SH3GL2: variants seen among roughly 807,000 people sequenced by gnomAD.
The protein encoded by SH3GL2 is SH3 domain containing GRB2 like 2, endophilin A1.
A neutral mutation model predicts 46.0 loss-of-function variants in SH3GL2; 24 were observed. The observed-to-expected ratio is 0.52, with a 90% CI of 0.38 to 0.73. SH3GL2 has a LOEUF of 0.73. Ranked by LOEUF, SH3GL2 falls within the 30% of genes least tolerant of loss-of-function variation. The pLI, the probability that SH3GL2 is intolerant of heterozygous loss-of-function variation, is 0.00. For missense variants in SH3GL2, 413 were observed against 424.2 expected (o/e 0.97, Z 0.23); for synonymous variants, 196 against 147.1 (o/e 1.33, Z -2.40).
At chr9:17,711,697 G>C (rs1225555426) in intron 1 of SH3GL2, among the ~76,000 whole-genome samples, 1 of 151,692 alleles carries the variant, frequency 6.6e-6, no homozygotes, top group Non-Finnish European at 1.5e-5. Context: ...ACCACAGTTT[G>C]TTTATCCATA....
In SH3GL2 at chr9:17,776,522, C is replaced by T. The variant is rs113811969; in HGVS notation, c.188-9859C>T. ...TCAAGTCTGTCCTATTTTAGAGACA[C>T]ACACACAAAAATGCTATAAAGGAAG... On this transcript the variant is annotated intron_variant, in intron 3 of 8. Transcript: ENST00000380607. 2.2e-4 allele frequency among the ~76,000 whole-genome samples: 34 copies of T among 152,256 alleles called. 1 individual carries two copies. The South Asian group carries it at 6.2e-3, about 28-fold the overall frequency.
At chr9:17,678,391 A>G (rs893935897) in intron 1 of SH3GL2, among the ~76,000 whole-genome samples, 2 of 151,998 alleles carry the variant, frequency 1.3e-5, no homozygotes, top group African/African-American at 4.8e-5. Context: ...GTCAGTGATG[A>G]TGAGCATTTT....
intron 2 of SH3GL2, among the ~76,000 whole-genome samples, chr9:17,749,416 C>A (rs1822783312): frequency 6.6e-6 from 1 of 152,152 alleles, no homozygotes; most frequent in East Asian, 1.9e-4. Context: ...CCCAGTCTTG[C>A]TTGATCCCTC....
At chr9:17,683,606 C>T (rs79025244) in intron 1 of SH3GL2, among the ~76,000 whole-genome samples, 2,709 of 152,102 alleles carry the variant, frequency 0.018, 37 homozygotes, top group South Asian at 0.031. Flanking sequence ...CCCAGGCAAA[C>T]GGATCCTGCC....
intron 1 of SH3GL2, among the ~76,000 whole-genome samples, chr9:17,610,095 A>G (rs1265088548): frequency 1.3e-5 from 2 of 152,164 alleles, no homozygotes; most frequent in African/African-American, 4.8e-5. Flanking sequence ...GTGAGTCTGG[A>G]TTTGAATGGA....
At chr9:17,682,139 G>A (rs1283865048) in intron 1 of SH3GL2, among the ~76,000 whole-genome samples, 1 of 152,134 alleles carries the variant, frequency 6.6e-6, no homozygotes, top group African/African-American at 2.4e-5. Flanking sequence ...AACCATTTTG[G>A]AAGACAGTGT....
chr9:17,748,902 A>G (rs541002519), intron 2 of SH3GL2, among the ~76,000 whole-genome samples: 1 of 152,314 alleles, frequency 6.6e-6, no homozygotes, highest in East Asian at 1.9e-4. Context: ...GCATGCAAGC[A>G]GGCAAGAGGG....
intron 1 of SH3GL2, among the ~76,000 whole-genome samples, chr9:17,585,949 C>CT (rs1461505023): frequency 6.6e-6 from 1 of 152,176 alleles, no homozygotes; most frequent in Non-Finnish European, 1.5e-5. Flanking sequence ...TCCATAATCA[C>CT]TTAAGGAGCC....
At chr9:17,633,682 G>C (rs2134629384) in intron 1 of SH3GL2, among the ~76,000 whole-genome samples, 1 of 152,270 alleles carries the variant, frequency 6.6e-6, no homozygotes, top group South Asian at 2.1e-4. Flanking sequence ...GAATGAAGAG[G>C]ATTTGACAGT....
intron 2 of SH3GL2, among the ~76,000 whole-genome samples, chr9:17,748,616 T>C (rs1822758326): frequency 6.6e-6 from 1 of 152,186 alleles, no homozygotes; most frequent in Admixed American, 6.5e-5. Context: ...GTTTTTCTCT[T>C]GGTGAGTTTA....
At chr9:17,753,644 A>G (rs1588303070) in intron 2 of SH3GL2, among the ~76,000 whole-genome samples, 2 of 152,124 alleles carry the variant, frequency 1.3e-5, no homozygotes, top group African/African-American at 4.8e-5. Flanking sequence ...CTCCGTTGGT[A>G]GTTTCTTTTG....
At chr9:17,774,586 A>G (rs1823587732) in intron 3 of SH3GL2, among the ~76,000 whole-genome samples, 2 of 151,824 alleles carry the variant, frequency 1.3e-5, no homozygotes, top group African/African-American at 2.4e-5. Flanking sequence ...AATGTGAGGT[A>G]TTAGATGGAC....
At chr9:17,771,249 C>A (rs1015117852) in intron 3 of SH3GL2, among the ~76,000 whole-genome samples, 2 of 152,142 alleles carry the variant, frequency 1.3e-5, no homozygotes, top group Non-Finnish European at 2.9e-5. Flanking sequence ...GATGAGGTCT[C>A]CTGAACCCCC....
chr9:17,773,488 A>G (rs1193974787), intron 3 of SH3GL2, among the ~76,000 whole-genome samples: 1 of 152,102 alleles, frequency 6.6e-6, no homozygotes, highest in Non-Finnish European at 1.5e-5. Context: ...ATTTTTGTAT[A>G]TAGTATTAGA....
At chr9:17,615,654 G>A (rs375227232) in intron 1 of SH3GL2, among the ~76,000 whole-genome samples, 711 of 70,718 alleles carry the variant, frequency 0.01, 11 homozygotes, top group African/African-American at 0.039. Context: ...GCGAGACTCC[G>A]TCTCAAAAAA....
chr9:17,625,841 G>C (rs564504299), intron 1 of SH3GL2, among the ~76,000 whole-genome samples: 2 of 152,174 alleles, frequency 1.3e-5, no homozygotes, highest in African/African-American at 4.8e-5. Flanking sequence ...AGTGTGAAAG[G>C]GAGGCTGAGG....
At chr9:17,624,410 T>C (rs186911202) in intron 1 of SH3GL2, among the ~76,000 whole-genome samples, 1 of 152,364 alleles carries the variant, frequency 6.6e-6, no homozygotes, top group African/African-American at 2.4e-5. Flanking sequence ...TGATTATTAC[T>C]GGGTCCAGTC....
intron 1 of SH3GL2, among the ~76,000 whole-genome samples, chr9:17,628,222 G>A (rs1370590818): frequency 1.3e-5 from 2 of 152,102 alleles, no homozygotes; most frequent in Non-Finnish European, 2.9e-5. Flanking sequence ...ATTGTTACTG[G>A]CACGTGGGCA....
chr9:17,689,267 C>G (rs975123964), intron 1 of SH3GL2, among the ~76,000 whole-genome samples: 10 of 152,072 alleles, frequency 6.6e-5, no homozygotes, highest in Middle Eastern at 3.4e-3. Context: ...AAAGAAAAGT[C>G]TGAGAAACTG....
Sources: gnomAD v4.1 joint callset for allele counts (sites outside exome capture counted in the v4.1 genomes callset) on GRCh38, gnomAD v4.1.1 for gene constraint, MANE v1.5 for transcripts, NCBI Gene and HGNC (gene_info 2026-07-23, HGNC 2026-07-21) for gene names.